Variants in GPHN observed in about 807,000 individuals in gnomAD.
The protein encoded by GPHN is gephyrin.
In GPHN, 17 loss-of-function variants were observed where a neutral mutation model predicts 95.5. The observed-to-expected ratio is 0.18, with a 90% CI of 0.12 to 0.27. The LOEUF is 0.27. Among genes scored for constraint, GPHN ranks in the 10% least tolerant of loss-of-function variants. The pLI is 1.00. For synonymous variants in GPHN, 320 were observed against 322.5 expected (o/e 0.99, Z 0.08); for missense variants, 660 against 978.1 (o/e 0.67, Z 4.34).
chr14:67,212,633 A>ATATTTATTTATATGT, the GPHN span, among the ~76,000 whole-genome samples: 1 of 145,754 alleles, frequency 6.9e-6, no homozygotes, highest in African/African-American at 2.5e-5. Flanking sequence ...TATTATATAT[A>ATATTTATTTATATGT]ATATATATTA....
intron 18 of GPHN, among the ~76,000 whole-genome samples, chr14:67,152,545 CCAGGTAAT>C (rs1161148759): frequency 6.6e-6 from 1 of 152,108 alleles, no homozygotes; most frequent in Non-Finnish European, 1.5e-5. Flanking sequence ...TCTTGACTAC[CCAGGTAAT>C]CAGGTAATCA....
At chr14:67,586,100 A>G in the GPHN span, 16 of 1,613,646 alleles carry the variant, frequency 9.9e-6, no homozygotes, top group Non-Finnish European at 1.3e-5. Context: ...CTCCCAAGGT[A>G]GGTCTGACAG....
rs368069592 is a variant in GPHN at position 66,702,289 on chromosome 14, G to A, written c.143+21104G>A. ...GTGAAGCACAGCCCTTCCCCCAAGG[G>A]ACAATCTAAGTACTTCATTAAACAG... On this transcript the variant is annotated intron_variant, in intron 2 of 22. Transcript: ENST00000478722. Among the ~76,000 whole-genome samples, 9 of 152,278 alleles carry A rather than the reference G, an allele frequency of 5.9e-5. No homozygotes were observed. The East Asian group carries it at 1.7e-3, about 29-fold the overall frequency.
the GPHN span, among the ~76,000 whole-genome samples, chr14:67,196,265 G>T: frequency 6.8e-6 from 1 of 148,144 alleles, no homozygotes; most frequent in South Asian, 2.1e-4. Flanking sequence ...CGCCCAGCCT[G>T]CAGTGCATTG....
chr14:66,985,284 T>C (rs1366323765), intron 9 of GPHN, among the ~76,000 whole-genome samples: 1 of 152,192 alleles, frequency 6.6e-6, no homozygotes, highest in Non-Finnish European at 1.5e-5. Context: ...TTTCTAGTCA[T>C]ACCATTTATG....
chr14:67,072,138 G>C (rs552801048), intron 11 of GPHN, among the ~76,000 whole-genome samples: 18 of 151,914 alleles, frequency 1.2e-4, no homozygotes, highest in Non-Finnish European at 2.2e-4. Context: ...TTAGTCTATA[G>C]AATTACATGA....
intron 8 of GPHN, among the ~76,000 whole-genome samples, chr14:66,944,581 T>A (rs1471356928): frequency 6.6e-6 from 1 of 152,028 alleles, no homozygotes; most frequent in Non-Finnish European, 1.5e-5. Flanking sequence ...CAAAATCTCT[T>A]CCAAAAGGAA....
chr14:66,712,828 TA>T (rs1335268812), intron 2 of GPHN, among the ~76,000 whole-genome samples: 1 of 152,136 alleles, frequency 6.6e-6, no homozygotes, highest in Non-Finnish European at 1.5e-5. Flanking sequence ...GTTTTTTGAT[TA>T]TGGCCATTCT....
At chr14:67,659,694 A>T in the GPHN span, 1 of 1,562,800 alleles carries the variant, frequency 6.4e-7, no homozygotes, top group Non-Finnish European at 8.6e-7. Flanking sequence ...CAGGCCCTTA[A>T]AGGAAAAAAA....
chr14:66,752,173 A>G (rs1057372081), intron 2 of GPHN, among the ~76,000 whole-genome samples: 10 of 152,122 alleles, frequency 6.6e-5, no homozygotes, highest in African/African-American at 2.2e-4. Context: ...GCTTAAGGAA[A>G]TGTTGTGGCT....
chr14:67,058,937 A>G (rs535616916), intron 11 of GPHN, 151 bp downstream of exon 11: 24 of 754,464 alleles, frequency 3.2e-5, no homozygotes, highest in Middle Eastern at 3.6e-4. Context: ...TTTCTACTCA[A>G]TAAGAAAAAG....
the GPHN span, chr14:67,343,299 G>T: frequency 2.5e-6 from 3 of 1,201,772 alleles, no homozygotes; most frequent in Non-Finnish European, 3.6e-6. Flanking sequence ...TACAGTCCCT[G>T]AATTCTAGCA....
chr14:67,348,931 GTAGAAGGAAGAAAC>G, the GPHN span: 1 of 1,063,572 alleles, frequency 9.4e-7, no homozygotes, highest in East Asian at 2.5e-5. Flanking sequence ...CTTGTTCTAA[GTAGAAGGAAGAAAC>G]TAGGACATTA....
intron 10 of GPHN, among the ~76,000 whole-genome samples, chr14:67,056,377 A>G (rs917394082): frequency 1.3e-5 from 2 of 152,202 alleles, no homozygotes; most frequent in African/African-American, 2.4e-5. Flanking sequence ...AGCAAGACGC[A>G]GAGCACTGAT....
At chr14:67,728,711 G>GT in the GPHN span, among the ~76,000 whole-genome samples, 2 of 150,916 alleles carry the variant, frequency 1.3e-5, no homozygotes, top group East Asian at 2.0e-4. Context: ...TGTGGGGGGG[G>GT]GGTGTTAATC....
At chr14:67,275,469 C>T in the GPHN span, among the ~76,000 whole-genome samples, 8 of 152,214 alleles carry the variant, frequency 5.3e-5, no homozygotes, top group East Asian at 1.5e-3. Flanking sequence ...AGGGATGAAG[C>T]CCATTTGATT....
At chr14:66,780,616 G>T (rs1029413395) in intron 3 of GPHN, among the ~76,000 whole-genome samples, 3 of 151,398 alleles carry the variant, frequency 2.0e-5, no homozygotes, top group Non-Finnish European at 2.9e-5. Context: ...ATTCATGGAT[G>T]ATATGTAACA....
At chr14:66,756,510 C>A (rs1465095126) in intron 2 of GPHN, among the ~76,000 whole-genome samples, 1 of 151,980 alleles carries the variant, frequency 6.6e-6, no homozygotes, top group African/African-American at 2.4e-5. Flanking sequence ...GGAACCAATC[C>A]TCCATGGATA....
intron 10 of GPHN, among the ~76,000 whole-genome samples, chr14:67,050,171 A>G (rs2075243367): frequency 6.6e-6 from 1 of 152,258 alleles, no homozygotes; most frequent in Non-Finnish European, 1.5e-5. Flanking sequence ...CACCATGCAT[A>G]TATAAAATTT....
Sources: allele counts gnomAD v4.1 joint callset (sites outside exome capture counted in the v4.1 genomes callset), GRCh38; gene constraint gnomAD v4.1.1; transcripts MANE v1.5; gene names NCBI Gene and HGNC (gene_info 2026-07-23, HGNC 2026-07-21).